The following SLC14A2 variants were observed in gnomAD, a reference collection of about 807,000 sequenced individuals.
The protein encoded by SLC14A2 is urea transporter 2.
Under a neutral mutation model 104.6 loss-of-function variants are expected in SLC14A2, and 91 were observed. The ratio of observed to expected loss-of-function variants is 0.87; its 90% confidence interval spans 0.73 to 1.04. The LOEUF (loss-of-function observed/expected upper bound fraction) is 1.04, where lower values mean the gene tolerates loss of function less well. Among genes scored for constraint, SLC14A2 ranks in the 50% least tolerant of loss-of-function variants. SLC14A2 has a pLI of 0.00. For synonymous variants in SLC14A2, 476 were observed against 466.4 expected (o/e 1.02, Z -0.27); for missense variants, 1,189 against 1,156.0 (o/e 1.03, Z -0.41).
chr18:45,625,812 G>C lies in SLC14A2; in HGVS notation c.280G>C (p.Ala94Pro), dbSNP rs753219954. ...CCAAAGGTGCATCTGCCTCTCCAAA[G>C]CAGTGGGCTACCTCACGGGCGACAT... ...AGQRCICLSK[A>P]VGYLTGDMKE... Residue 94 changes from alanine to proline, a missense_variant, in exon 3 of 20, where the codon GCA (alanine) becomes CCA (proline). Physicochemically the swap from Ala to Pro is conservative, Grantham distance 27. Transcript: ENST00000255226. 6.6e-7 allele frequency: 1 copy of C among 1,526,650 alleles called. No individual in the cohort carries two copies. The highest frequency in any genetic ancestry group is 1.3e-5 in the South Asian group (1 of 76,758). 94.6% of individuals were successfully genotyped at this position (1,526,650 alleles called of 1,614,324 possible).
chr18:45,287,979 G>T (rs1051316615), intron 1 of SLC14A2, among the ~76,000 whole-genome samples: 2 of 152,200 alleles, frequency 1.3e-5, no homozygotes, highest in African/African-American at 4.8e-5. Flanking sequence ...AGCTCCTTTT[G>T]TCTCCTGCCC....
chr18:45,286,192 G>A (rs2084813128), intron 1 of SLC14A2, among the ~76,000 whole-genome samples: 1 of 152,130 alleles, frequency 6.6e-6, no homozygotes, highest in Admixed American at 6.5e-5. Flanking sequence ...GCTCTCACCT[G>A]GGAACTGCCC....
At chr18:45,449,751 C>G (rs542898941) in intron 1 of SLC14A2, among the ~76,000 whole-genome samples, 6 of 152,256 alleles carry the variant, frequency 3.9e-5, no homozygotes, top group African/African-American at 1.4e-4. Context: ...GGAAAACAAA[C>G]CCCAAGAATC....
chr18:45,599,320 T>C (rs1319279408), intron 2 of SLC14A2, among the ~76,000 whole-genome samples: 1 of 152,206 alleles, frequency 6.6e-6, no homozygotes, highest in African/African-American at 2.4e-5. Context: ...TTGAATTCAT[T>C]ATCCTGCTGG....
chr18:45,343,325 A>G lies in SLC14A2; in HGVS notation c.-125+130134A>G, dbSNP rs562034576. ...TTATTTGGGCTGCCTTGTGCCTGCCAGTATGTAGTTTCAGGTGATCAGAGG... is the reference window on the plus strand; with the variant it reads ...TTATTTGGGCTGCCTTGTGCCTGCCGGTATGTAGTTTCAGGTGATCAGAGG... On this transcript the variant is annotated intron_variant, in intron 1 of 20. Coordinates refer to the SLC14A2 transcript ENST00000586448. 8.5e-5 allele frequency among the ~76,000 whole-genome samples: 13 copies of G among 152,134 alleles called. No individual in the cohort carries two copies. In the South Asian group the frequency reaches 1.9e-3, roughly 22 times the overall value.
chr18:45,242,732 C>T (rs949086188), intron 1 of SLC14A2, among the ~76,000 whole-genome samples: 1 of 152,166 alleles, frequency 6.6e-6, no homozygotes, highest in African/African-American at 2.4e-5. Context: ...TCTCTATTAG[C>T]CTAAACCTGC....
intron 1 of SLC14A2, among the ~76,000 whole-genome samples, chr18:45,458,167 C>T (rs1248033511): frequency 6.6e-6 from 1 of 152,214 alleles, no homozygotes; most frequent in Non-Finnish European, 1.5e-5. Context: ...CTGCCTAGCA[C>T]CTGCCATCTG....
intron 1 of SLC14A2, among the ~76,000 whole-genome samples, chr18:45,364,164 C>A (rs1443634439): frequency 1.3e-5 from 2 of 152,326 alleles, no homozygotes; most frequent in South Asian, 4.1e-4. Flanking sequence ...TGCCTCCTAC[C>A]ACACTTTTTG....
At chr18:45,182,418 T>G in the SLC14A2 span, among the ~76,000 whole-genome samples, 10 of 151,886 alleles carry the variant, frequency 6.6e-5, no homozygotes, top group Middle Eastern at 4.2e-3. Context: ...AAAAAATAAC[T>G]GAAAAAAATT....
At chr18:45,353,545 A>T (rs1165776385) in intron 1 of SLC14A2, among the ~76,000 whole-genome samples, 1 of 152,198 alleles carries the variant, frequency 6.6e-6, no homozygotes, top group Non-Finnish European at 1.5e-5. Flanking sequence ...TCCAGTTATA[A>T]CTTACAGATT....
chr18:45,280,530 C>A (rs911337950), intron 1 of SLC14A2, among the ~76,000 whole-genome samples: 2 of 152,032 alleles, frequency 1.3e-5, no homozygotes, highest in African/African-American at 4.8e-5. Context: ...GTGGTCCAGT[C>A]CATTTTGATA....
chr18:45,215,927 C>G (rs552028068), intron 1 of SLC14A2, among the ~76,000 whole-genome samples: 1 of 152,052 alleles, frequency 6.6e-6, no homozygotes, highest in South Asian at 2.1e-4. Context: ...ATGTTTTCTT[C>G]TTTTTGTTTC....
intron 1 of SLC14A2, among the ~76,000 whole-genome samples, chr18:45,452,078 A>G (rs531277661): frequency 1.1e-3 from 167 of 151,832 alleles, no homozygotes; most frequent in Non-Finnish European, 2.1e-3. Flanking sequence ...AGCTGGGGGG[A>G]TATCTGGTCA....
At chr18:45,494,667 C>T (rs990572940) in intron 2 of SLC14A2, among the ~76,000 whole-genome samples, 4 of 151,884 alleles carry the variant, frequency 2.6e-5, no homozygotes, top group South Asian at 2.1e-4. Flanking sequence ...TCTCCCAAAG[C>T]GCTGGGATTA....
chr18:45,251,116 G>A (rs1239436243), intron 1 of SLC14A2, among the ~76,000 whole-genome samples: 1 of 152,092 alleles, frequency 6.6e-6, no homozygotes, highest in African/African-American at 2.4e-5. Flanking sequence ...AGATTTTGGT[G>A]TACCCATCAC....
At position 45,667,986 on chromosome 18, in the gene SLC14A2, T is replaced by G. The variant is rs144385284; in HGVS notation, c.1871T>G (p.Met624Arg). The change falls in exon 14 of 20, where the codon ATG becomes AGG. Residue 624 changes from methionine to arginine, a missense_variant. Physicochemically the swap from Met to Arg is moderately conservative, Grantham distance 91. Coordinates refer to ENST00000255226, the MANE Select transcript of SLC14A2 (RefSeq NM_007163.4). ...WAISGCLGTIMSTLTALILSQ... is the reference protein window; with the variant it reads ...WAISGCLGTIRSTLTALILSQ... ...ATCTCAGGCTGCCTGGGTACCATCA[T>G]GTCCACCTTGACAGCCCTCATCCTG... 2 of 1,614,130 alleles carry G rather than the reference T, an allele frequency of 1.2e-6. No individual in the cohort carries two copies. The highest frequency in any genetic ancestry group is 1.7e-6 in the Non-Finnish European group (2 of 1,180,004).
At chr18:45,531,007 T>C (rs1265401430) in intron 2 of SLC14A2, among the ~76,000 whole-genome samples, 9 of 152,216 alleles carry the variant, frequency 5.9e-5, no homozygotes, top group Non-Finnish European at 1.3e-4. Context: ...GCTTCATCCA[T>C]GTCCCTACAA....
chr18:45,397,619 G>T (rs374817787), intron 1 of SLC14A2, among the ~76,000 whole-genome samples: 1 of 152,260 alleles, frequency 6.6e-6, no homozygotes, highest in South Asian at 2.1e-4. Context: ...TAGGTTGTCT[G>T]TTTACGCTGT....
chr18:45,652,382 A>T (rs1486302927), intron 10 of SLC14A2, among the ~76,000 whole-genome samples: 1 of 152,248 alleles, frequency 6.6e-6, no homozygotes, highest in African/African-American at 2.4e-5. Context: ...GGGGAAAATG[A>T]CAAGTCCTTT....
Sources: allele counts gnomAD v4.1 joint callset (sites outside exome capture counted in the v4.1 genomes callset), GRCh38; gene constraint gnomAD v4.1.1; transcripts MANE v1.5; gene names NCBI Gene and HGNC (gene_info 2026-07-23, HGNC 2026-07-21).